The following ENTPD1 variants were observed in gnomAD, a reference collection of about 807,000 sequenced individuals.
The protein encoded by ENTPD1 is ATP diphosphohydrolase.
A neutral mutation model predicts 57.0 loss-of-function variants in ENTPD1; 33 were observed. That is an observed-to-expected ratio of 0.58 (90% CI 0.44 to 0.77). The LOEUF (loss-of-function observed/expected upper bound fraction) is 0.77. Ranked by LOEUF, ENTPD1 falls within the 30% of genes least tolerant of loss-of-function variation. The pLI is 0.00. For synonymous variants in ENTPD1, 202 were observed against 218.8 expected (o/e 0.92, Z 0.68); for missense variants, 501 against 603.4 (o/e 0.83, Z 1.78).
At chr10:95,709,266 A>G (rs983577558), upstream of ENTPD1, among the ~76,000 whole-genome samples, 32 of 152,356 alleles carry the variant, frequency 2.1e-4, no homozygotes, top group African/African-American at 7.5e-4. Context: ...TATTTAGTTC[A>G]TGAAATTTTA....
At chr10:95,820,174 CT>C (rs1410720015) in intron 1 of ENTPD1, among the ~76,000 whole-genome samples, 1 of 152,206 alleles carries the variant, frequency 6.6e-6, no homozygotes, top group Non-Finnish European at 1.5e-5. Context: ...CTTTTGAAAA[CT>C]GGCTGACATA....
At chr10:95,856,566 C>T (rs1248533876) in intron 7 of ENTPD1, among the ~76,000 whole-genome samples, 3 of 151,762 alleles carry the variant, frequency 2.0e-5, no homozygotes, top group Non-Finnish European at 2.9e-5. Context: ...CAACACAATT[C>T]GCAGTTGCAA....
At chr10:95,801,968 A>G (rs1423293705) in intron 1 of ENTPD1, among the ~76,000 whole-genome samples, 1 of 152,152 alleles carries the variant, frequency 6.6e-6, no homozygotes, top group African/African-American at 2.4e-5. Flanking sequence ...TGAGCATAGA[A>G]TGTTTTTCCA....
chr10:95,823,746 AC>A (rs1273110074), intron 2 of ENTPD1, among the ~76,000 whole-genome samples: 31 of 152,240 alleles, frequency 2.0e-4, no homozygotes, highest in African/African-American at 7.2e-4. Context: ...TGTTCTTTTT[AC>A]TTCATTATTA....
intron 1 of ENTPD1, among the ~76,000 whole-genome samples, chr10:95,804,019 G>T (rs1381550518): frequency 6.6e-6 from 1 of 152,190 alleles, no homozygotes; most frequent in Non-Finnish European, 1.5e-5. Flanking sequence ...TTGTAGATGT[G>T]TGGTGTTATT....
At chr10:95,696,012 A>G in the ENTPD1 span, among the ~76,000 whole-genome samples, 1 of 152,108 alleles carries the variant, frequency 6.6e-6, no homozygotes, top group South Asian at 2.1e-4. Context: ...TTAGATTTCA[A>G]AGTTTGGAAT....
In ENTPD1 at chr10:95,735,242, G is replaced by A. The variant is rs138452493; in HGVS notation, c.37+23249G>A. Among the ~76,000 whole-genome samples the A allele has an allele frequency of 7.5e-3, 1,145 of 152,144 alleles. 9 individuals are homozygous for A. The highest frequency in any genetic ancestry group is 0.013 in the Non-Finnish European group (863 of 67,986). ...GACGGGGTTTCACCATGTTGGCCAG[G>A]CTGTTATTGAACTCCTGACCTCAGG... On this transcript the variant is annotated intron_variant, in intron 1 of 9. Transcript: ENST00000453258.
chr10:95,849,210 C>G (rs551956146), intron 7 of ENTPD1, among the ~76,000 whole-genome samples: 5 of 152,142 alleles, frequency 3.3e-5, no homozygotes, highest in African/African-American at 4.8e-5. Flanking sequence ...TCTTAATTGA[C>G]TCAGTCTTCA....
At chr10:95,703,772 A>C in the ENTPD1 span, among the ~76,000 whole-genome samples, 2 of 91,926 alleles carry the variant, frequency 2.2e-5, no homozygotes, top group African/African-American at 4.4e-5. Context: ...ACAGAGCGAG[A>C]CTCTGTCTCA....
In ENTPD1 at chr10:95,868,295, T is replaced by G; in HGVS notation, c.*1912T>G. On this transcript the variant is annotated 3_prime_UTR_variant, in exon 10 of 10. Coordinates refer to ENST00000371205, the MANE Select transcript of ENTPD1 (RefSeq NM_001776.6). ...CCAAGCATGCACTTAAAACTCCACA[T>G]GAATACAAGGTTCATGGGACTTGGT... The G allele has an allele frequency of 1.0e-6, 1 of 985,452 alleles. No individual in the cohort carries two copies. The highest frequency in any genetic ancestry group is 1.2e-6 in the Non-Finnish European group (1 of 829,932). The allele number at this position is 985,452 out of a possible 1,614,324, so 61.0% of individuals were successfully genotyped here.
intron 3 of ENTPD1, 68 bp downstream of exon 3, chr10:95,839,876 G>A: frequency 6.6e-7 from 1 of 1,508,430 alleles, no homozygotes; most frequent in Non-Finnish European, 9.2e-7. Context: ...TGTATGACCA[G>A]TAGAACACAA....
chr10:95,739,934 T>G (rs372904484), intron 1 of ENTPD1, among the ~76,000 whole-genome samples: 1 of 152,234 alleles, frequency 6.6e-6, no homozygotes, highest in African/African-American at 2.4e-5. Context: ...ATTCATCTTC[T>G]TGTACATTTC....
At chr10:95,823,895 A>G (rs1408787966) in intron 2 of ENTPD1, among the ~76,000 whole-genome samples, 2 of 152,250 alleles carry the variant, frequency 1.3e-5, no homozygotes, top group Non-Finnish European at 2.9e-5. Context: ...ATCAGAAAAC[A>G]TATACGTGTA....
chr10:95,779,234 C>T (rs919131173), intron 1 of ENTPD1, among the ~76,000 whole-genome samples: 11 of 152,200 alleles, frequency 7.2e-5, no homozygotes, highest in African/African-American at 2.7e-4. Flanking sequence ...ATTTCTACAT[C>T]TCCTTCCATA....
chr10:95,769,862 G>T (rs2098108102), intron 1 of ENTPD1, among the ~76,000 whole-genome samples: 1 of 152,138 alleles, frequency 6.6e-6, no homozygotes, highest in Non-Finnish European at 1.5e-5. Flanking sequence ...CAAGGTTTTG[G>T]GCCTTCCAAG....
At chr10:95,806,843 C>G (rs868060593) in intron 1 of ENTPD1, among the ~76,000 whole-genome samples, 68 of 151,328 alleles carry the variant, frequency 4.5e-4, no homozygotes, top group African/African-American at 1.4e-3. Flanking sequence ...AAATATTGCA[C>G]AACAGCAAAT....
upstream of ENTPD1, chr10:95,755,961 CA>C: frequency 6.8e-7 from 1 of 1,465,510 alleles, no homozygotes; most frequent in South Asian, 1.5e-5. Flanking sequence ...TACATTGCTT[CA>C]AGGATGCAAA....
At chr10:95,845,249 C>T (rs1417261286) in intron 5 of ENTPD1, 108 bp from the exon 6 acceptor site, 2 of 1,521,818 alleles carry the variant, frequency 1.3e-6, no homozygotes, top group African/African-American at 1.4e-5. Context: ...CTTTGCCTCA[C>T]CTTTATGCCC....
In ENTPD1 at chr10:95,874,587, G is replaced by A. The variant is rs7070239; in HGVS notation, c.*8204G>A. Among the ~76,000 whole-genome samples the A allele has an allele frequency of 4.3e-4, 65 of 152,160 alleles. No homozygotes were observed. The highest frequency in any genetic ancestry group is 8.2e-4 in the African/African-American group (34 of 41,440). ...GGGGTCTACCATTCTGGGGTCTACC[G>A]TTCTGGGACTGTGGCCTTCTTCTCA... On this transcript the variant is annotated 3_prime_UTR_variant, in exon 10 of 10. Coordinates refer to ENST00000371205, the MANE Select transcript of ENTPD1 (RefSeq NM_001776.6).
Sources: allele counts gnomAD v4.1 joint callset (sites outside exome capture counted in the v4.1 genomes callset), GRCh38; gene constraint gnomAD v4.1.1; transcripts MANE v1.5; gene names NCBI Gene and HGNC (gene_info 2026-07-23, HGNC 2026-07-21).